Variants in MTHFD1L observed in about 807,000 individuals in gnomAD.
MTHFD1L encodes monofunctional C1-tetrahydrofolate synthase, mitochondrial.
MTHFD1L carries 81 observed loss-of-function variants against 119.5 expected under a neutral mutation model. The ratio of observed to expected loss-of-function variants is 0.68; its 90% confidence interval spans 0.57 to 0.82. The LOEUF is 0.82. Ranked by LOEUF, MTHFD1L falls within the 40% of genes least tolerant of loss-of-function variation. The pLI is 0.00. For missense variants in MTHFD1L, 1,125 were observed against 1,253.4 expected, an observed-to-expected ratio of 0.90 and a Z score of 1.55; for synonymous variants, 430 against 475.2, an observed-to-expected ratio of 0.90 and a Z score of 1.24.
chr6:151,017,332 G>C (rs548181687), intron 24 of MTHFD1L, among the ~76,000 whole-genome samples: 3 of 151,574 alleles, frequency 2.0e-5, no homozygotes, highest in Non-Finnish European at 4.4e-5. Flanking sequence ...GCATGTTGTA[G>C]AGTGTCAGAA....
At position 150,985,398 on chromosome 6, in the gene MTHFD1L, G is replaced by GTGGGCACAT. The variant is rs1778140983; in HGVS notation, c.2125+13340_2125+13341insTGGGCACAT. ...GTTTTGAAAACTCTCCTTTGAGGTCGGGCACAGTGGCTCATGCCTGTAATC... is the reference window on the plus strand; with the variant it reads ...GTTTTGAAAACTCTCCTTTGAGGTCGTGGGCACATGGCACAGTGGCTCATGCCTGTAATC... On this transcript the variant is annotated intron_variant, in intron 20 of 27. Coordinates refer to ENST00000367321, the MANE Select transcript of MTHFD1L (RefSeq NM_015440.5). Among the ~76,000 whole-genome samples the GTGGGCACAT allele has an allele frequency of 2.0e-5, 3 of 152,054 alleles. No homozygotes were observed. In the East Asian group the frequency reaches 5.8e-4, roughly 29 times the overall value.
intron 11 of MTHFD1L, chr6:150,935,695 C>T (rs532916409): frequency 1.6e-6 from 1 of 632,780 alleles, no homozygotes; most frequent in East Asian, 3.0e-5. Flanking sequence ...TTTTGTTGAA[C>T]AATCAGATGC....
chr6:151,049,669 A>C (rs1788707743), intron 26 of MTHFD1L, among the ~76,000 whole-genome samples: 1 of 151,700 alleles, frequency 6.6e-6, no homozygotes, highest in Non-Finnish European at 1.5e-5. Flanking sequence ...CTCAAAAAAA[A>C]AAAAAAAAAA....
At chr6:151,013,897 C>G in intron 22 of MTHFD1L, 77 bp downstream of exon 22, 1 of 1,262,950 alleles carries the variant, frequency 7.9e-7, no homozygotes, top group South Asian at 1.2e-5. Context: ...TGAATGAGCC[C>G]TCCTTCAGTG....
intron 7 of MTHFD1L, among the ~76,000 whole-genome samples, chr6:150,903,203 A>ATTTTTTTTTTTTT (rs774695918): frequency 3.5e-5 from 3 of 85,474 alleles, no homozygotes; most frequent in African/African-American, 1.5e-4. Flanking sequence ...TGGCTGCAAA[A>ATTTTTTTTTTTTT]TTTTTTTTTT....
chr6:151,013,786 C>T lies in MTHFD1L; in HGVS notation c.2273C>T (p.Ala758Val). ...KMHGGGPSVTAGVPLKKEYTE... is the reference protein window; with the variant it reads ...KMHGGGPSVTVGVPLKKEYTE... ...TTTCTCTCCTTATTTCAGGTAACGG[C>T]TGGTGTTCCTCTTAAGAAAGAATAT... The change falls in exon 22 of 28, where the codon GCT becomes GTT. Residue 758 changes from alanine (A) to valine (V), a missense_variant. Ala to Val is a moderately conservative substitution (Grantham distance 64). This residue lies in a region of MTHFD1L where 1,058 missense variants were observed against 1,151.2 expected (regional missense o/e 0.92). Coordinates refer to ENST00000367321, the MANE Select transcript of MTHFD1L (RefSeq NM_015440.5). 6.2e-7 allele frequency: 1 copy of T among 1,612,352 alleles called. No individual in the cohort carries two copies. Among genetic ancestry groups the T allele is most frequent in the Non-Finnish European group, 8.5e-7 (1 of 1,178,776 alleles).
intron 10 of MTHFD1L, among the ~76,000 whole-genome samples, chr6:150,925,731 G>A (rs775591229): frequency 1.3e-5 from 2 of 152,048 alleles, no homozygotes; most frequent in Non-Finnish European, 2.9e-5. Context: ...CCCGATCGGA[G>A]ATTATTATGC....
intron 7 of MTHFD1L, among the ~76,000 whole-genome samples, chr6:150,893,585 T>A (rs935838743): frequency 1.3e-5 from 2 of 152,154 alleles, no homozygotes; most frequent in African/African-American, 4.8e-5. Context: ...CCCCATCCCC[T>A]CAACACATAC....
At chr6:150,935,749 T>G (rs1408745888) in intron 11 of MTHFD1L, among the ~76,000 whole-genome samples, 1 of 152,214 alleles carries the variant, frequency 6.6e-6, no homozygotes, top group African/African-American at 2.4e-5. Context: ...GCAGTGCTTC[T>G]TAAAGTGGTT....
At chr6:150,977,901 CCT>C (rs1776829255) in intron 20 of MTHFD1L, among the ~76,000 whole-genome samples, 1 of 134,486 alleles carries the variant, frequency 7.4e-6, no homozygotes, top group Admixed American at 8.1e-5. Flanking sequence ...TATATATACA[CCT>C]TTTTTTTTTT....
intron 27 of MTHFD1L, among the ~76,000 whole-genome samples, chr6:151,093,441 G>A (rs1444728601): frequency 1.4e-4 from 10 of 72,100 alleles, no homozygotes; most frequent in African/African-American, 5.9e-4. Flanking sequence ...GGTGGATCAC[G>A]AAGTCAGGAG....
intron 26 of MTHFD1L, among the ~76,000 whole-genome samples, chr6:151,074,766 T>C (rs567475559): frequency 1.3e-5 from 2 of 152,356 alleles, no homozygotes; most frequent in South Asian, 4.1e-4. Context: ...AATAACATGC[T>C]ATGCAGGCTT....
At chr6:150,911,735 C>G (rs1786920570) in intron 8 of MTHFD1L, among the ~76,000 whole-genome samples, 1 of 152,130 alleles carries the variant, frequency 6.6e-6, no homozygotes, top group Non-Finnish European at 1.5e-5. Context: ...ACTTACAGTT[C>G]CACATGGCTG....
At chr6:151,090,944 G>GTTCCATGAGACTGGGTGCAGCATCA (rs1794340504) in intron 26 of MTHFD1L, among the ~76,000 whole-genome samples, 3 of 98,932 alleles carry the variant, frequency 3.0e-5, no homozygotes, top group East Asian at 9.1e-4. Context: ...GTGCAGCATC[G>GTTCCATGAGACTGGGTGCAGCATCA]TTCCATGCGA....
At chr6:151,085,799 AT>A (rs1793737606) in intron 26 of MTHFD1L, among the ~76,000 whole-genome samples, 1 of 151,886 alleles carries the variant, frequency 6.6e-6, no homozygotes, top group Admixed American at 6.6e-5. Context: ...TTTGACCTGA[AT>A]GTCCCAAGGG....
intron 6 of MTHFD1L, among the ~76,000 whole-genome samples, chr6:150,886,834 ATTT>A (rs1289042250): frequency 6.7e-6 from 1 of 149,862 alleles, no homozygotes; most frequent in Non-Finnish European, 1.5e-5. Flanking sequence ...ACCAAAAAAA[ATTT>A]TTTTTTTAAT....
At position 151,014,954 on chromosome 6, in the gene MTHFD1L, C is replaced by A. The variant is rs370947787; in HGVS notation, c.2382C>A (p.Pro794=). 4.4e-5 allele frequency: 71 copies of A among 1,614,050 alleles called. 1 individual carries two copies. The South Asian group carries it at 5.6e-4, about 13-fold the overall frequency. ...QIQITQLFGV[P]VVVALNVFKT... ...AGATCACTCAGCTCTTTGGGGTTCC[C>A]GTTGTGGTGGCTCTGAATGTCTTCA... Residue 794 remains proline, a synonymous_variant, in exon 23 of 28, where the codon CCC becomes CCA. Transcript: ENST00000367321.
At chr6:151,021,673 T>C (rs1372090474) in intron 24 of MTHFD1L, among the ~76,000 whole-genome samples, 2 of 152,242 alleles carry the variant, frequency 1.3e-5, no homozygotes, top group Non-Finnish European at 2.9e-5. Flanking sequence ...AAGGTAACTT[T>C]GTCAAACTCC....
chr6:150,891,417 A>C (rs143509145), intron 7 of MTHFD1L, among the ~76,000 whole-genome samples: 6 of 149,444 alleles, frequency 4.0e-5, no homozygotes, highest in Non-Finnish European at 7.4e-5. Flanking sequence ...TAATACATAC[A>C]TACATATAAT....
Sources: allele counts gnomAD v4.1 joint callset (sites outside exome capture counted in the v4.1 genomes callset), GRCh38; gene constraint gnomAD v4.1.1; regional missense constraint gnomAD v4.1.1; transcripts MANE v1.5; gene names NCBI Gene and HGNC (gene_info 2026-07-23, HGNC 2026-07-21).